MROH9: variants seen among roughly 807,000 people sequenced by gnomAD.
MROH9 encodes maestro heat like repeat family member 9, also known as maestro heat-like repeat-containing protein family member 9.
Under a neutral mutation model 98.2 loss-of-function variants are expected in MROH9, and 92 were observed. The ratio of observed to expected loss-of-function variants is 0.94; its 90% CI spans 0.79 to 1.11. The LOEUF (loss-of-function observed/expected upper bound fraction) is 1.11, where lower values mean the gene tolerates loss of function less well. MROH9 is among the 50% of genes most tolerant of loss of function. MROH9 has a pLI of 0.00. For missense variants in MROH9, 1,057 were observed against 1,014.8 expected (o/e 1.04, Z -0.57); for synonymous variants, 397 against 368.9 (o/e 1.08, Z -0.87).
At chr1:171,019,881 T>C (rs1247607866) in intron 17 of MROH9, among the ~76,000 whole-genome samples, 1 of 151,722 alleles carries the variant, frequency 6.6e-6, no homozygotes, top group Non-Finnish European at 1.5e-5. Context: ...GCTAGACTAA[T>C]ATAGAAAAAA....
At chr1:170,997,405 T>A (rs531625705) in intron 14 of MROH9, among the ~76,000 whole-genome samples, 1 of 152,104 alleles carries the variant, frequency 6.6e-6, no homozygotes, top group African/African-American at 2.4e-5. Context: ...TTACTCAAAG[T>A]GGGGTCCACA....
intron 15 of MROH9, among the ~76,000 whole-genome samples, chr1:171,008,309 G>GTT (rs1652031352): frequency 2.6e-5 from 4 of 151,928 alleles, no homozygotes; most frequent in Non-Finnish European, 5.9e-5. Flanking sequence ...AACTATCATT[G>GTT]TAATATTCTA....
At chr1:170,960,233 AG>A (rs1220853655) in intron 5 of MROH9, among the ~76,000 whole-genome samples, 1 of 152,200 alleles carries the variant, frequency 6.6e-6, no homozygotes, top group African/African-American at 2.4e-5. Flanking sequence ...ACAGATTTGT[AG>A]GCTGCTATTT....
intron 15 of MROH9, among the ~76,000 whole-genome samples, chr1:171,009,752 T>G (rs114410191): frequency 0.011 from 1,704 of 152,274 alleles, 30 homozygotes; most frequent in African/African-American, 0.039. Flanking sequence ...AAAGGAACCA[T>G]GTCTCCTTGA....
intron 20 of MROH9, among the ~76,000 whole-genome samples, chr1:171,037,164 G>T (rs1653130024): frequency 6.6e-6 from 1 of 150,900 alleles, no homozygotes; most frequent in Admixed American, 6.6e-5. Flanking sequence ...AAAATACAGT[G>T]AAAGAAAATA....
rs748040552 is a variant in MROH9, at chr1:170,959,586, G to C, written c.277G>C (p.Glu93Gln). 9.3e-6 allele frequency: 15 copies of C among 1,611,452 alleles called. No individual in the cohort carries two copies. Among genetic ancestry groups the C allele is most frequent in the Admixed American group, 1.7e-5 (1 of 59,466 alleles). Reference protein sequence around the residue: ...KEMGSSYEYIEDMENLYHNIL... With the variant: ...KEMGSSYEYIQDMENLYHNIL... Reference sequence around the variant, plus strand: ...AATGGGGAGCAGTTATGAGTACATTGAGGACATGGAGGTAAAATTTTTCTT... The same window carrying C: ...AATGGGGAGCAGTTATGAGTACATTCAGGACATGGAGGTAAAATTTTTCTT... The change falls in exon 5 of 22, where the codon GAG (glutamate) becomes CAG (glutamine). Residue 93 changes from glutamate (E) to glutamine (Q), a missense_variant. Coordinates refer to ENST00000367759, the MANE Select transcript of MROH9 (RefSeq NM_001163629.2).
At chr1:170,949,192 G>A (rs1649453548) in intron 3 of MROH9, among the ~76,000 whole-genome samples, 1 of 152,024 alleles carries the variant, frequency 6.6e-6, no homozygotes, top group Non-Finnish European at 1.5e-5. Context: ...TGTGATCTTA[G>A]GTAGGAAGGC....
At chr1:170,979,099 G>A (rs1402798413) in intron 8 of MROH9, among the ~76,000 whole-genome samples, 2 of 152,172 alleles carry the variant, frequency 1.3e-5, no homozygotes, top group African/African-American at 2.4e-5. Context: ...TAATGCTATT[G>A]CATACTTAAT....
chr1:171,009,493 T>C (rs1275666554), intron 15 of MROH9, among the ~76,000 whole-genome samples: 1 of 152,196 alleles, frequency 6.6e-6, no homozygotes, highest in African/African-American at 2.4e-5. Flanking sequence ...TAAGTAAATA[T>C]ATTAATCCTA....
At chr1:171,025,771 C>T (rs918642362) in intron 20 of MROH9, among the ~76,000 whole-genome samples, 1 of 152,092 alleles carries the variant, frequency 6.6e-6, no homozygotes, top group Non-Finnish European at 1.5e-5. Flanking sequence ...TTCGACCAAA[C>T]TTGGACATCT....
chr1:171,053,281 T>G lies in MROH9; in HGVS notation c.2282-8851T>G, dbSNP rs1653728699. Among the ~76,000 whole-genome samples the G allele has an allele frequency of 3.9e-5, 6 of 152,322 alleles. No homozygotes were observed. In the South Asian group the frequency reaches 1.2e-3, roughly 32 times the overall value. Reference sequence around the variant, plus strand: ...CAGATCACCAAACAATGATTGACTTTGGGTGAGCCCAGTTTGAAAATGTTG... The same window carrying G: ...CAGATCACCAAACAATGATTGACTTGGGGTGAGCCCAGTTTGAAAATGTTG... On this transcript the variant is annotated intron_variant, in intron 20 of 21. Coordinates refer to ENST00000367759, the MANE Select transcript of MROH9 (RefSeq NM_001163629.2).
At chr1:170,993,968 C>T (rs1016774069) in intron 12 of MROH9, among the ~76,000 whole-genome samples, 10 of 152,072 alleles carry the variant, frequency 6.6e-5, no homozygotes, top group Non-Finnish European at 1.5e-4. Context: ...TCCTAGACTG[C>T]AGATAAAAAT....
At chr1:171,041,749 T>C (rs576420109) in intron 20 of MROH9, among the ~76,000 whole-genome samples, 1 of 152,152 alleles carries the variant, frequency 6.6e-6, no homozygotes, top group East Asian at 1.9e-4. Context: ...TTGGACTTTT[T>C]AGTAATAGCC....
At chr1:170,935,982 CAAAAAAAAA>C (rs59883013) in intron 1 of MROH9, among the ~76,000 whole-genome samples, 702 of 62,264 alleles carry the variant, frequency 0.011, 2 homozygotes, top group African/African-American at 0.032. Context: ...CAGAGTGAGA[CAAAAAAAAA>C]AAAAAAAAAA....
intron 16 of MROH9, 122 bp from the exon 17 acceptor site, chr1:171,016,041 A>G (rs1652311102): frequency 3.8e-6 from 2 of 529,856 alleles, no homozygotes; most frequent in African/African-American, 4.0e-5. Context: ...TTGACAAGAG[A>G]TTTTCGTGAG....
At chr1:170,996,139 A>G (rs183049949) in intron 13 of MROH9, among the ~76,000 whole-genome samples, 52 of 152,280 alleles carry the variant, frequency 3.4e-4, no homozygotes, top group Admixed American at 2.9e-3. Context: ...GACATACATC[A>G]AAGCATCCCA....
rs966938791 is a variant in MROH9, at chr1:171,025,265, A to G, written c.2179-53A>G. 18 of 1,145,134 alleles carry G rather than the reference A, an allele frequency of 1.6e-5. 1 individual carries two copies. Among genetic ancestry groups the G allele is most frequent in the Middle Eastern group, 1.9e-4 (1 of 5,164 alleles). 70.9% of individuals were successfully genotyped at this position (1,145,134 alleles called of 1,614,324 possible). A position where few individuals can be genotyped will look rare whatever the true frequency, so the allele number is the denominator to read the frequency against. ...TGTTGAAGCCTTTCTGGAGGGAGCA[A>G]ATGTTCTATTTCAGCAATCGAGTGA... On this transcript the variant is annotated intron_variant, in intron 19 of 21. Coordinates refer to ENST00000367759, the MANE Select transcript of MROH9 (RefSeq NM_001163629.2).
intron 20 of MROH9, among the ~76,000 whole-genome samples, chr1:171,025,630 C>T (rs1652683440): frequency 6.6e-6 from 1 of 152,104 alleles, no homozygotes; most frequent in South Asian, 2.1e-4. Flanking sequence ...GATTATTATG[C>T]AAAATGTGTT....
chr1:171,043,654 C>A (rs1053689811), intron 20 of MROH9, among the ~76,000 whole-genome samples: 2 of 151,568 alleles, frequency 1.3e-5, no homozygotes, highest in Non-Finnish European at 2.9e-5. Flanking sequence ...TCTTCAATTT[C>A]TTTCATCAGT....
Sources: gnomAD v4.1 joint callset for allele counts (sites outside exome capture counted in the v4.1 genomes callset) on GRCh38, gnomAD v4.1.1 for gene constraint, MANE v1.5 for transcripts, NCBI Gene and HGNC (gene_info 2026-07-23, HGNC 2026-07-21) for gene names.